TASOR: variants seen among roughly 807,000 people sequenced by gnomAD.
The protein encoded by TASOR is transcription activation suppressor.
TASOR carries 53 observed loss-of-function variants against 178.6 expected under a neutral mutation model. The ratio of observed to expected loss-of-function variants is 0.30; its 90% CI spans 0.24 to 0.37. The LOEUF (loss-of-function observed/expected upper bound fraction) is 0.37. TASOR is among the 10% of genes least tolerant of loss of function. TASOR has a pLI of 1.00. For missense variants in TASOR, 1,815 were observed against 1,971.4 expected (o/e 0.92, Z 1.50); for synonymous variants, 713 against 696.2 (o/e 1.02, Z -0.38).
At chr3:56,669,239 C>G (rs2030399911) in intron 5 of TASOR, among the ~76,000 whole-genome samples, 1 of 152,158 alleles carries the variant, frequency 6.6e-6, no homozygotes, top group Non-Finnish European at 1.5e-5. Flanking sequence ...CGCAGTGGCT[C>G]ATGCCTGTAA....
At chr3:56,628,461 C>G in intron 19 of TASOR, 31 bp downstream of exon 19, 5 of 1,579,394 alleles carry the variant, frequency 3.2e-6, no homozygotes, top group Non-Finnish European at 4.3e-6. Flanking sequence ...GTTTTTAAAA[C>G]CAAAGTAGTG....
At chr3:56,673,488 TA>T in intron 2 of TASOR, 91 bp downstream of exon 2, 1 of 877,050 alleles carries the variant, frequency 1.1e-6, no homozygotes, top group Non-Finnish European at 1.6e-6. Flanking sequence ...TTGGTTTTCC[TA>T]AAAATTTTAG....
chr3:56,673,372 T>TAG (rs1423760779), intron 2 of TASOR, among the ~76,000 whole-genome samples: 2 of 136,856 alleles, frequency 1.5e-5, no homozygotes, highest in Non-Finnish European at 3.0e-5. Context: ...GCAGAGGCTG[T>TAG]AGTGAGCCGA....
At chr3:56,636,603 A>G (rs552436885) in intron 17 of TASOR, among the ~76,000 whole-genome samples, 4 of 151,906 alleles carry the variant, frequency 2.6e-5, no homozygotes, top group African/African-American at 9.6e-5. Flanking sequence ...GGGTTTTACC[A>G]TGTTGGCCAG....
chr3:56,675,595 A>T (rs71309975), intron 1 of TASOR, among the ~76,000 whole-genome samples: 1 of 152,176 alleles, frequency 6.6e-6, no homozygotes, highest in South Asian at 2.1e-4. Context: ...AATACACCTA[A>T]AAGTCTATAC....
intron 1 of TASOR, among the ~76,000 whole-genome samples, chr3:56,681,034 T>G (rs2031737277): frequency 6.6e-6 from 1 of 151,454 alleles, no homozygotes; most frequent in Non-Finnish European, 1.5e-5. Flanking sequence ...TTCCCACATT[T>G]CAAACTAAAT....
At chr3:56,648,457 G>C (rs142622686) in intron 13 of TASOR, among the ~76,000 whole-genome samples, 1 of 151,376 alleles carries the variant, frequency 6.6e-6, no homozygotes, top group Non-Finnish European at 1.5e-5. Context: ...GTGAAACCCC[G>C]TCTCTACTAA....
chr3:56,661,164 T>C, intron 9 of TASOR, 147 bp from the exon 10 acceptor site: 3 of 616,548 alleles, frequency 4.9e-6, no homozygotes, highest in Non-Finnish European at 8.5e-6. Flanking sequence ...TTTTGTTTCG[T>C]TTGTGACAGT....
chr3:56,662,313 AAAG>A, intron 9 of TASOR, 69 bp downstream of exon 9: 1 of 800,418 alleles, frequency 1.2e-6, no homozygotes, highest in Non-Finnish European at 2.0e-6. Flanking sequence ...TAAATATGAA[AAAG>A]AAATAAGGAA....
chr3:56,668,430 T>A lies in TASOR; in HGVS notation c.864A>T (p.Ser288=). ...HVSKNANRIT[S]LLAYRAYELT... Reference sequence around the variant, plus strand: ...GCTCATAGGCTCTGTAAGCCAAAAGTGATGTAATTCGATTGGCATTCTTTG... The same window carrying A: ...GCTCATAGGCTCTGTAAGCCAAAAGAGATGTAATTCGATTGGCATTCTTTG... The change falls in exon 6 of 24, where the codon TCA becomes TCT. Residue 288 remains serine (S), a synonymous_variant. Coordinates refer to ENST00000683822, the MANE Select transcript of TASOR (RefSeq NM_001365635.2). The A allele has an allele frequency of 6.4e-7, 1 of 1,551,662 alleles. No homozygotes were observed. Among genetic ancestry groups the A allele is most frequent in the South Asian group, 1.2e-5 (1 of 84,058 alleles).
chr3:56,659,496 A>G (rs547603328), intron 11 of TASOR, among the ~76,000 whole-genome samples: 5 of 152,224 alleles, frequency 3.3e-5, no homozygotes, highest in Admixed American at 1.3e-4. Flanking sequence ...CCCAAACTAG[A>G]TATGCTTCAG....
rs146530913 is a variant in TASOR at position 56,641,547 on chromosome 3, C to T, written c.2421G>A (p.Glu807=). The T allele has an allele frequency of 1.9e-6, 3 of 1,614,184 alleles. No individual in the cohort carries two copies. The highest frequency in any genetic ancestry group is 2.5e-6 in the Non-Finnish European group (3 of 1,180,012). ...LGLSTDDAYE[E]LRQKHEYELN... Reference sequence around the variant, plus strand: ...ACTCATACTCATGTTTTTGCCTCAGCTCTTCATAGGCATCATCAGTGCTCA... The same window carrying T: ...ACTCATACTCATGTTTTTGCCTCAGTTCTTCATAGGCATCATCAGTGCTCA... The change falls in exon 15 of 24, where the codon GAG becomes GAA. Residue 807 remains glutamate, a synonymous_variant. Transcript: ENST00000683822.
intron 18 of TASOR, among the ~76,000 whole-genome samples, chr3:56,629,605 C>T (rs1262853729): frequency 1.3e-5 from 2 of 152,198 alleles, no homozygotes; most frequent in African/African-American, 2.4e-5. Flanking sequence ...TGCTGGTGAA[C>T]ATGGTACTGC....
Position 56,621,168 on chromosome 3 carries a change from AC to A in TASOR, c.*1868del, listed in dbSNP as rs1250354764. The A allele has an allele frequency of 3.3e-5, 5 of 150,340 alleles. No homozygotes were observed. The highest frequency in any genetic ancestry group is 6.8e-5 in the Admixed American group (1 of 14,638). The allele number at this position is 150,340 out of a possible 1,614,324, so 9.3% of individuals were successfully genotyped here. A position where few individuals can be genotyped will look rare whatever the true frequency, so the allele number is the denominator to read the frequency against. On this transcript the variant is annotated 3_prime_UTR_variant, in exon 24 of 24. Coordinates refer to ENST00000683822, the MANE Select transcript of TASOR (RefSeq NM_001365635.2). ...AGCGAGACTCCATCTCCAAAAAAAAACAAAACAACAACAACAAAAAAAAAAC... is the reference window on the plus strand; with the variant it reads ...AGCGAGACTCCATCTCCAAAAAAAAAAAAACAACAACAACAAAAAAAAAAC...
chr3:56,627,316 T>C (rs780110572), intron 20 of TASOR, among the ~76,000 whole-genome samples, 171 bp from the exon 21 acceptor site: 1 of 152,066 alleles, frequency 6.6e-6, no homozygotes, highest in Non-Finnish European at 1.5e-5. Context: ...GCTCTAATAA[T>C]ATAACATCTA....
chr3:56,631,398 C>CA (rs2076908061), intron 18 of TASOR, among the ~76,000 whole-genome samples: 1 of 152,104 alleles, frequency 6.6e-6, no homozygotes. Flanking sequence ...GCATTTATTT[C>CA]AAAATCCTAG....
Position 56,631,112 on chromosome 3 carries a change from G to A in TASOR, c.3747+1932C>T, listed in dbSNP as rs527885908. Among the ~76,000 whole-genome samples the A allele has an allele frequency of 5.2e-4, 79 of 152,202 alleles. No individual in the cohort carries two copies. The Middle Eastern group carries it at 0.01, about 20-fold the overall frequency. On this transcript the variant is annotated intron_variant, in intron 18 of 23. Transcript: ENST00000683822. ...GAAACTCTACATTCAGTCATGTAGG[G>A]CAAAAATGCAACCAAGGAATTCCTA...
At chr3:56,639,840 T>C in intron 16 of TASOR, 146 bp downstream of exon 16, 1 of 672,008 alleles carries the variant, frequency 1.5e-6, no homozygotes, top group South Asian at 2.2e-5. Context: ...ACTGTATTAC[T>C]CAAAATAAGA....
rs1193829355 is a variant in TASOR at position 56,621,639 on chromosome 3, C to G, written c.*1398G>C. ...TTTAAATGTAGAAAATCAAATCCTT[C>G]ACATTTGATTTGTGTCTTCCAAATT... is the stretch of plus-strand genomic sequence containing the variant. On this transcript the variant is annotated 3_prime_UTR_variant, in exon 24 of 24. Transcript: ENST00000683822. 4.6e-6 allele frequency: 7 copies of G among 1,511,826 alleles called. No homozygotes were observed. The highest frequency in any genetic ancestry group is 6.4e-6 in the Non-Finnish European group (7 of 1,097,888). 93.7% of individuals were successfully genotyped at this position (1,511,826 alleles called of 1,614,324 possible).
Sources: gnomAD v4.1 joint callset for allele counts (sites outside exome capture counted in the v4.1 genomes callset) on GRCh38, gnomAD v4.1.1 for gene constraint, MANE v1.5 for transcripts, NCBI Gene and HGNC (gene_info 2026-07-23, HGNC 2026-07-21) for gene names.